MSRA: variants seen among roughly 807,000 people sequenced by gnomAD.
MSRA encodes methionine sulfoxide reductase A.
A neutral mutation model predicts 31.3 loss-of-function variants in MSRA; 54 were observed. The ratio of observed to expected loss-of-function variants is 1.73; its 90% CI spans 1.39 to 2.17. The LOEUF is 2.17. MSRA is among the 30% of genes most tolerant of loss of function. The pLI is 0.00. For synonymous variants in MSRA, 169 were observed against 116.5 expected (o/e 1.45, Z -2.90); for missense variants, 507 against 300.9 (o/e 1.69, Z -5.07).
At position 10,428,411 on chromosome 8, in the gene MSRA, C is replaced by T; in HGVS notation, c.*99C>T. On this transcript the variant is annotated 3_prime_UTR_variant, in exon 6 of 6. Transcript: ENST00000317173. ...TCACAATCGTGGCATTTAAAGTGCA[C>T]AAAGTACAAAGGAATTTATACAGAT... 7.9e-7 allele frequency: 1 copy of T among 1,259,794 alleles called. No homozygotes were observed. Among genetic ancestry groups the T allele is most frequent in the South Asian group, 1.3e-5 (1 of 75,136 alleles). The allele number at this position is 1,259,794 out of a possible 1,614,324, so 78.0% of individuals were successfully genotyped here. A position where few individuals can be genotyped will look rare whatever the true frequency, so the allele number is the denominator to read the frequency against.
In MSRA at chr8:10,258,570, C is replaced by A. The variant is rs143680220; in HGVS notation, c.331+13347C>A. 6.2e-3 allele frequency among the ~76,000 whole-genome samples: 942 copies of A among 152,298 alleles called. 6 individuals are homozygous for A. Among genetic ancestry groups the A allele is most frequent in the African/African-American group, 0.022 (901 of 41,560 alleles). ...TAAATAAGGCCGTGTCTGAGGATCCCACTGGAAAGTCTTGGAAGACTCTGG... is the reference window on the plus strand; with the variant it reads ...TAAATAAGGCCGTGTCTGAGGATCCAACTGGAAAGTCTTGGAAGACTCTGG... On this transcript the variant is annotated intron_variant, in intron 3 of 5. Transcript: ENST00000317173.
At chr8:10,419,729 G>C (rs1375089683) in intron 5 of MSRA, among the ~76,000 whole-genome samples, 1 of 152,192 alleles carries the variant, frequency 6.6e-6, no homozygotes, top group African/African-American at 2.4e-5. Context: ...TTGGTGTTTA[G>C]AGCGTATATC....
intron 1 of MSRA, among the ~76,000 whole-genome samples, chr8:10,166,322 G>T (rs901474040): frequency 6.6e-6 from 1 of 152,188 alleles, no homozygotes; most frequent in African/African-American, 2.4e-5. Context: ...TGGCATAATG[G>T]TGTGTATGTG....
chr8:10,136,606 T>A (rs183367869), intron 1 of MSRA, among the ~76,000 whole-genome samples: 4 of 152,058 alleles, frequency 2.6e-5, no homozygotes, highest in African/African-American at 9.6e-5. Flanking sequence ...TTGTAGCATA[T>A]CTCTTTTGAC....
intron 1 of MSRA, among the ~76,000 whole-genome samples, chr8:10,165,680 T>A (rs1805063248): frequency 6.6e-6 from 1 of 152,164 alleles, no homozygotes. Flanking sequence ...TCAGGACACA[T>A]AGTCTTGTAA....
At chr8:10,093,708 A>G (rs1223746493) in intron 1 of MSRA, among the ~76,000 whole-genome samples, 5 of 152,162 alleles carry the variant, frequency 3.3e-5, no homozygotes, top group Non-Finnish European at 4.4e-5. Flanking sequence ...TTACCTTTAT[A>G]CTTACTCCTA....
chr8:10,155,505 G>A (rs1804083281), intron 1 of MSRA, among the ~76,000 whole-genome samples: 1 of 152,164 alleles, frequency 6.6e-6, no homozygotes. Flanking sequence ...GAGCGTAGAA[G>A]CTGTGCCATC....
chr8:10,099,514 A>T (rs1224861962), intron 1 of MSRA, among the ~76,000 whole-genome samples: 1 of 152,240 alleles, frequency 6.6e-6, no homozygotes, highest in African/African-American at 2.4e-5. Flanking sequence ...CCAAGCAGCC[A>T]TGCTGGGCGC....
intron 2 of MSRA, among the ~76,000 whole-genome samples, chr8:10,212,488 G>C (rs1809588731): frequency 6.6e-6 from 1 of 152,178 alleles, no homozygotes; most frequent in Non-Finnish European, 1.5e-5. Context: ...AGATTGGATT[G>C]TATATAATGT....
chr8:10,238,239 C>T (rs866156935), intron 2 of MSRA, among the ~76,000 whole-genome samples: 27 of 152,192 alleles, frequency 1.8e-4, no homozygotes, highest in African/African-American at 4.6e-4. Flanking sequence ...GCCTCACTGC[C>T]TCCATGGCTT....
chr8:10,358,416 A>G (rs1321616312), intron 5 of MSRA, among the ~76,000 whole-genome samples: 2 of 152,018 alleles, frequency 1.3e-5, no homozygotes, highest in African/African-American at 4.8e-5. Context: ...TGGCTATGTC[A>G]TATTTGCATT....
chr8:10,094,011 C>T (rs894666697), intron 1 of MSRA, among the ~76,000 whole-genome samples: 8 of 152,138 alleles, frequency 5.3e-5, no homozygotes, highest in Non-Finnish European at 8.8e-5. Context: ...CGTGATGAGT[C>T]GCTTCTCCAA....
intron 5 of MSRA, among the ~76,000 whole-genome samples, chr8:10,383,067 G>A (rs1417531168): frequency 3.9e-5 from 6 of 152,208 alleles, no homozygotes; most frequent in Non-Finnish European, 5.9e-5. Context: ...AGAATGCTGT[G>A]TTCACCCACC....
intron 2 of MSRA, among the ~76,000 whole-genome samples, chr8:10,211,635 G>A (rs1462857027): frequency 6.6e-6 from 1 of 152,042 alleles, no homozygotes; most frequent in Non-Finnish European, 1.5e-5. Context: ...CTGTGTAGTG[G>A]GCATCATTGT....
intron 3 of MSRA, among the ~76,000 whole-genome samples, chr8:10,249,574 C>G (rs895705720): frequency 2.0e-5 from 3 of 152,166 alleles, no homozygotes; most frequent in African/African-American, 7.2e-5. Flanking sequence ...GGCTGAGAAA[C>G]TTACCTCACC....
chr8:10,353,126 G>A (rs1407846165), intron 5 of MSRA, among the ~76,000 whole-genome samples: 6 of 152,142 alleles, frequency 3.9e-5, no homozygotes, highest in South Asian at 2.1e-4. Context: ...ACAGACAGGC[G>A]TGTGCACACA....
chr8:10,203,078 A>T (rs1808642362), intron 1 of MSRA, among the ~76,000 whole-genome samples: 1 of 152,096 alleles, frequency 6.6e-6, no homozygotes, highest in African/African-American at 2.4e-5. Flanking sequence ...ATCACGTTTT[A>T]AGAACCTGTT....
intron 3 of MSRA, among the ~76,000 whole-genome samples, chr8:10,245,442 A>G (rs1002861241): frequency 2.0e-5 from 3 of 152,256 alleles, no homozygotes; most frequent in Admixed American, 2.0e-4. Context: ...CTGTGGAACA[A>G]CCACTCTAAA....
intron 1 of MSRA, among the ~76,000 whole-genome samples, chr8:10,059,779 C>G (rs1297367034): frequency 1.3e-5 from 2 of 152,140 alleles, no homozygotes; most frequent in South Asian, 4.1e-4. Flanking sequence ...TAAGAAGCTT[C>G]TAGAAATAAA....
Sources: gnomAD v4.1 joint callset for allele counts (sites outside exome capture counted in the v4.1 genomes callset) on GRCh38, gnomAD v4.1.1 for gene constraint, MANE v1.5 for transcripts, NCBI Gene and HGNC (gene_info 2026-07-23, HGNC 2026-07-21) for gene names.